Variants in ANTXR1 observed in about 807,000 individuals in gnomAD.
The protein encoded by ANTXR1 is anthrax toxin receptor 1.
A neutral mutation model predicts 78.1 loss-of-function variants in ANTXR1; 19 were observed. That is an observed-to-expected ratio of 0.24 (90% CI 0.17 to 0.36). ANTXR1 has a LOEUF of 0.36. Among genes scored for constraint, ANTXR1 ranks in the 10% least tolerant of loss-of-function variants. The pLI is 1.00. For synonymous variants in ANTXR1, 273 were observed against 260.5 expected (o/e 1.05, Z -0.46); for missense variants, 518 against 718.6 (o/e 0.72, Z 3.19).
chr2:69,091,509 T>C (rs2104285202), intron 9 of ANTXR1, among the ~76,000 whole-genome samples: 1 of 150,658 alleles, frequency 6.6e-6, no homozygotes, highest in African/African-American at 2.4e-5. Flanking sequence ...AAGGGAATTG[T>C]AGAAATACTG....
chr2:69,128,922 T>C (rs1245568109), intron 12 of ANTXR1, among the ~76,000 whole-genome samples: 1 of 151,886 alleles, frequency 6.6e-6, no homozygotes, highest in Admixed American at 6.6e-5. Flanking sequence ...TTGGTGCCCA[T>C]TTGGACACCT....
chr2:69,177,361 G>A (rs1455360176), intron 14 of ANTXR1, among the ~76,000 whole-genome samples: 1 of 152,186 alleles, frequency 6.6e-6, no homozygotes, highest in Non-Finnish European at 1.5e-5. Flanking sequence ...ACAGCACAGG[G>A]CTAATCCAAT....
chr2:69,209,551 T>C (rs897952249), intron 17 of ANTXR1, among the ~76,000 whole-genome samples: 1 of 152,230 alleles, frequency 6.6e-6, no homozygotes, highest in Admixed American at 6.5e-5. Context: ...TGTTAAGTGC[T>C]CTACTAAGAA....
intron 8 of ANTXR1, among the ~76,000 whole-genome samples, chr2:69,083,389 C>A (rs1670954098): frequency 6.6e-6 from 1 of 152,184 alleles, no homozygotes; most frequent in South Asian, 2.1e-4. Flanking sequence ...CCTTCCTTCG[C>A]CCCATCTGAA....
intron 16 of ANTXR1, among the ~76,000 whole-genome samples, chr2:69,187,058 C>G (rs1245299269): frequency 6.6e-6 from 1 of 152,238 alleles, no homozygotes; most frequent in Non-Finnish European, 1.5e-5. Context: ...CGTGTACTTA[C>G]TGAATTGCAT....
intron 3 of ANTXR1, among the ~76,000 whole-genome samples, chr2:69,070,089 C>T (rs527883898): frequency 3.3e-5 from 5 of 152,200 alleles, no homozygotes; most frequent in Middle Eastern, 3.2e-3. Flanking sequence ...TCACCTTGAA[C>T]AATCAGAGTA....
chr2:69,181,456 A>C (rs1379979498), intron 14 of ANTXR1, among the ~76,000 whole-genome samples: 3 of 152,226 alleles, frequency 2.0e-5, no homozygotes, highest in African/African-American at 7.2e-5. Flanking sequence ...CAGAAGCATC[A>C]GGGCTGAAGA....
intron 3 of ANTXR1, among the ~76,000 whole-genome samples, chr2:69,058,854 C>T (rs182050528): frequency 6.6e-5 from 10 of 152,248 alleles, no homozygotes; most frequent in African/African-American, 2.2e-4. Context: ...GCCAAAATAT[C>T]GACATTAACA....
chr2:69,119,362 C>T (rs951689140), intron 10 of ANTXR1, among the ~76,000 whole-genome samples: 5 of 152,206 alleles, frequency 3.3e-5, no homozygotes, highest in Non-Finnish European at 7.3e-5. Context: ...GTGGCTGCCC[C>T]GTGGCTCTGT....
intron 12 of ANTXR1, chr2:69,145,460 C>T: frequency 2.0e-6 from 3 of 1,534,338 alleles, no homozygotes; most frequent in Non-Finnish European, 2.6e-6. Context: ...TTACACTTTC[C>T]TTATTTACTG....
intron 12 of ANTXR1, chr2:69,145,748 C>T: frequency 9.7e-7 from 1 of 1,030,020 alleles, no homozygotes; most frequent in Non-Finnish European, 1.2e-6. Flanking sequence ...TCCTCCCTTT[C>T]CCACAAAAGA....
chr2:69,168,217 C>A (rs1307133228), intron 13 of ANTXR1, among the ~76,000 whole-genome samples: 2 of 152,126 alleles, frequency 1.3e-5, no homozygotes, highest in Non-Finnish European at 2.9e-5. Context: ...AGGTAAGAGA[C>A]AAATACAACA....
At chr2:69,071,325 A>G (rs775168674) in intron 4 of ANTXR1, among the ~76,000 whole-genome samples, 9 of 152,238 alleles carry the variant, frequency 5.9e-5, no homozygotes, top group Non-Finnish European at 1.3e-4. Context: ...GGTGTAGCCT[A>G]TTGCTCCTAG....
At chr2:69,159,058 A>T (rs1325700404) in intron 13 of ANTXR1, among the ~76,000 whole-genome samples, 1 of 152,168 alleles carries the variant, frequency 6.6e-6, no homozygotes, top group Admixed American at 6.5e-5. Context: ...CCACAGACCT[A>T]TGGAACTGTA....
chr2:69,233,598 C>CT (rs1319981088), intron 17 of ANTXR1, among the ~76,000 whole-genome samples: 2 of 151,832 alleles, frequency 1.3e-5, no homozygotes, highest in African/African-American at 4.8e-5. Flanking sequence ...ATAGGGTTAT[C>CT]TTACTTTATA....
intron 3 of ANTXR1, among the ~76,000 whole-genome samples, chr2:69,058,155 A>G (rs1670121082): frequency 1.3e-5 from 2 of 152,246 alleles, no homozygotes. Flanking sequence ...GAGAAGCTGC[A>G]GCAAGTTACC....
At chr2:69,236,460 A>T (rs996616516) in intron 17 of ANTXR1, among the ~76,000 whole-genome samples, 2 of 152,228 alleles carry the variant, frequency 1.3e-5, no homozygotes, top group African/African-American at 4.8e-5. Flanking sequence ...AGATAGTCAA[A>T]TTGGCAAAAA....
In ANTXR1 at chr2:69,248,997, C is replaced by T. The variant is rs570843332; in HGVS notation, c.*3512C>T. On this transcript the variant is annotated 3_prime_UTR_variant, in exon 18 of 18. Transcript: ENST00000303714. Reference sequence around the variant, plus strand: ...TACACTTAACATTAAACTCTTCTAACTTTCTTCTTTCTGTGATAATTCAGA... The same window carrying T: ...TACACTTAACATTAAACTCTTCTAATTTTCTTCTTTCTGTGATAATTCAGA... The T allele has an allele frequency of 2.6e-5, 4 of 152,320 alleles. No individual in the cohort carries two copies. Among genetic ancestry groups the T allele is most frequent in the African/African-American group, 9.6e-5 (4 of 41,572 alleles). 9.4% of individuals were successfully genotyped at this position (152,320 alleles called of 1,614,324 possible). A position where few individuals can be genotyped will look rare whatever the true frequency, so the allele number is the denominator to read the frequency against.
chr2:69,137,653 G>A (rs545673878), intron 12 of ANTXR1, among the ~76,000 whole-genome samples: 136 of 152,072 alleles, frequency 8.9e-4, no homozygotes, highest in African/African-American at 3.2e-3. Flanking sequence ...CAGGCATGGT[G>A]GCTTGTGTGC....
Sources: allele counts gnomAD v4.1 joint callset (sites outside exome capture counted in the v4.1 genomes callset), GRCh38; gene constraint gnomAD v4.1.1; transcripts MANE v1.5; gene names NCBI Gene and HGNC (gene_info 2026-07-23, HGNC 2026-07-21).